MSN: variants seen among roughly 807,000 people sequenced by gnomAD.
The protein encoded by MSN is epididymis luminal protein 70.
A neutral mutation model predicts 48.0 loss-of-function variants in MSN; 2 were observed. The ratio of observed to expected loss-of-function variants is 0.04; its 90% CI spans 0.02 to 0.13. The LOEUF (loss-of-function observed/expected upper bound fraction) is 0.13. MSN is among the 10% of genes least tolerant of loss of function. The pLI, the probability that MSN is intolerant of heterozygous loss-of-function variation, is 1.00. For synonymous variants in MSN, 146 were observed against 166.9 expected, an observed-to-expected ratio of 0.87 and a Z score of 0.97; for missense variants, 267 against 470.1, an observed-to-expected ratio of 0.57 and a Z score of 3.99.
At chrX:65,697,319 T>A (rs1428712258) in intron 1 of MSN, among the ~76,000 whole-genome samples, 1 of 111,640 alleles carries the variant, frequency 9.0e-6, no homozygotes, top group Non-Finnish European at 1.9e-5. Flanking sequence ...TGCTGTGGAA[T>A]GACATCTGCC....
intron 1 of MSN, among the ~76,000 whole-genome samples, chrX:65,650,884 C>T (rs1244651048): frequency 9.0e-6 from 1 of 111,526 alleles, no homozygotes; most frequent in East Asian, 2.8e-4. Context: ...CATTCCTTGG[C>T]TTATGGTCCC....
At chrX:65,726,624 T>C (rs1165881635) in intron 2 of MSN, among the ~76,000 whole-genome samples, 2 of 110,993 alleles carry the variant, frequency 1.8e-5, no homozygotes, top group African/African-American at 6.6e-5. Context: ...AGTGTGTGTG[T>C]GCATGTGTGT....
intron 1 of MSN, among the ~76,000 whole-genome samples, chrX:65,604,454 C>T (rs762304893): frequency 8.1e-5 from 9 of 111,651 alleles, no homozygotes; most frequent in African/African-American, 2.3e-4. Flanking sequence ...GGAAAGTGTG[C>T]GGTGTTAATA....
chrX:65,688,892 T>C (rs1162683118), intron 1 of MSN, among the ~76,000 whole-genome samples: 3 of 111,971 alleles, frequency 2.7e-5, no homozygotes, highest in East Asian at 2.8e-4. Flanking sequence ...CAATAACTTA[T>C]TTTGTTTTGC....
chrX:65,648,696 C>T (rs1404380662), intron 1 of MSN, among the ~76,000 whole-genome samples: 1 of 110,047 alleles, frequency 9.1e-6, no homozygotes. Flanking sequence ...CACGGTGAAA[C>T]CCCGTCTCTA....
intron 1 of MSN, among the ~76,000 whole-genome samples, chrX:65,624,003 C>A (rs1478588612): frequency 9.1e-6 from 1 of 110,339 alleles, no homozygotes; most frequent in Non-Finnish European, 1.9e-5. Flanking sequence ...CTAATTTATT[C>A]ATGAGCAATT....
intron 1 of MSN, among the ~76,000 whole-genome samples, chrX:65,617,528 T>C (rs1244404236): frequency 3.1e-4 from 33 of 107,436 alleles, no homozygotes; most frequent in African/African-American, 9.7e-4. Context: ...TGGTAGTTTG[T>C]ATTTCTGTGG....
chrX:65,651,316 T>TAAA, intron 1 of MSN, among the ~76,000 whole-genome samples: 1 of 77,052 alleles, frequency 1.3e-5, no homozygotes, highest in Non-Finnish European at 2.5e-5. Context: ...AGACTCTATC[T>TAAA]AAAAAAAAAA....
chrX:65,610,009 G>A (rs2070308201), intron 1 of MSN, among the ~76,000 whole-genome samples: 1 of 111,691 alleles, frequency 9.0e-6, no homozygotes, highest in African/African-American at 3.3e-5. Flanking sequence ...CTTCATAAAT[G>A]GTTACAATAG....
chrX:65,710,673 T>A (rs973631382), intron 1 of MSN, among the ~76,000 whole-genome samples: 2 of 111,906 alleles, frequency 1.8e-5, no homozygotes, highest in African/African-American at 6.5e-5. Context: ...ACCCTTTTTT[T>A]AAGGTTTCTT....
intron 1 of MSN, among the ~76,000 whole-genome samples, chrX:65,635,867 TG>T (rs1243433978): frequency 8.9e-6 from 1 of 112,123 alleles, no homozygotes; most frequent in East Asian, 2.8e-4. Flanking sequence ...GTATCCAAGC[TG>T]GAAGGGATCC....
At chrX:65,652,031 A>T (rs1194198478) in intron 1 of MSN, among the ~76,000 whole-genome samples, 1 of 108,350 alleles carries the variant, frequency 9.2e-6, no homozygotes, top group Non-Finnish European at 1.9e-5. Flanking sequence ...TGGGTGGATC[A>T]CTTGAGGCCA....
chrX:65,613,546 G>A (rs1002396369), intron 1 of MSN, among the ~76,000 whole-genome samples: 1 of 112,201 alleles, frequency 8.9e-6, no homozygotes, highest in South Asian at 3.7e-4. Flanking sequence ...GTTTCCTGAC[G>A]TTTTAATGAT....
chrX:65,694,797 C>T (rs909634788), intron 1 of MSN, among the ~76,000 whole-genome samples: 1 of 111,641 alleles, frequency 9.0e-6, no homozygotes, highest in African/African-American at 3.3e-5. Flanking sequence ...TAAAGAGGAA[C>T]TCCAGCTCTG....
At chrX:65,607,455 G>T (rs1472681852) in intron 1 of MSN, among the ~76,000 whole-genome samples, 1 of 111,391 alleles carries the variant, frequency 9.0e-6, no homozygotes, top group Non-Finnish European at 1.9e-5. Flanking sequence ...CTCATAACTG[G>T]GTTTCCTTTG....
At chrX:65,647,236 G>A (rs1168621933) in intron 1 of MSN, among the ~76,000 whole-genome samples, 1 of 103,707 alleles carries the variant, frequency 9.6e-6, no homozygotes, top group African/African-American at 3.6e-5. Flanking sequence ...TTTTGAGATG[G>A]AGTCTTGCAC....
At chrX:65,601,659 C>G (rs906171463) in intron 1 of MSN, among the ~76,000 whole-genome samples, 4 of 112,494 alleles carry the variant, frequency 3.6e-5, no homozygotes, top group Non-Finnish European at 7.5e-5. Context: ...GTGACTGCCA[C>G]TTAGCCCTGG....
At position 65,736,810 on chromosome X, in the gene MSN, T is replaced by C. The variant is rs2071681808; in HGVS notation, c.975T>C (p.Asn325=). ...QKQMERAMLE[N]EKKKREMAEK... ...CCTTCCCTAGTGCTATGCTGGAAAA[T>C]GAGAAGAAGAAGCGTGAAATGGCAG... The change falls in exon 9 of 13, where the codon AAT becomes AAC. Residue 325 remains asparagine, a synonymous_variant. Coordinates refer to ENST00000360270, the MANE Select transcript of MSN (RefSeq NM_002444.3). 8.6e-6 allele frequency: 10 copies of C among 1,164,922 alleles called. No homozygotes were observed. Among genetic ancestry groups the C allele is most frequent in the Non-Finnish European group, 1.1e-5 (10 of 872,388 alleles).
At chrX:65,597,235 G>A (rs2070194229) in intron 1 of MSN, among the ~76,000 whole-genome samples, 1 of 104,843 alleles carries the variant, frequency 9.5e-6, no homozygotes, top group Non-Finnish European at 1.9e-5. Context: ...TTTTTTTTGA[G>A]ACAGCATCCC....
Sources: gnomAD v4.1 joint callset for allele counts (sites outside exome capture counted in the v4.1 genomes callset) on GRCh38, gnomAD v4.1.1 for gene constraint, MANE v1.5 for transcripts, NCBI Gene and HGNC (gene_info 2026-07-23, HGNC 2026-07-21) for gene names.